GABRB1: variants seen among roughly 807,000 people sequenced by gnomAD.
GABRB1 encodes gamma-aminobutyric acid type A receptor subunit beta1.
GABRB1 carries 17 observed loss-of-function variants against 51.6 expected under a neutral mutation model. That is an observed-to-expected ratio of 0.33 (90% CI 0.23 to 0.49). GABRB1 has a LOEUF of 0.49. Among genes scored for constraint, GABRB1 ranks in the 20% least tolerant of loss-of-function variants. GABRB1 has a pLI of 0.99. For missense variants in GABRB1, 410 were observed against 600.6 expected, an observed-to-expected ratio of 0.68 and a Z score of 3.32; for synonymous variants, 247 against 218.9, an observed-to-expected ratio of 1.13 and a Z score of -1.14.
At chr4:47,419,346 G>T (rs1560378095) in intron 8 of GABRB1, among the ~76,000 whole-genome samples, 1 of 152,180 alleles carries the variant, frequency 6.6e-6, no homozygotes, top group Non-Finnish European at 1.5e-5. Flanking sequence ...GCCCCTCTAA[G>T]ACTTGTCTGT....
intron 4 of GABRB1, among the ~76,000 whole-genome samples, chr4:47,253,361 CTT>C (rs1305246291): frequency 6.6e-6 from 1 of 152,186 alleles, no homozygotes; most frequent in Non-Finnish European, 1.5e-5. Context: ...GTAAGGAAGA[CTT>C]TGTCAGTTGA....
At chr4:47,266,417 G>T (rs1389784461) in intron 4 of GABRB1, among the ~76,000 whole-genome samples, 4 of 151,862 alleles carry the variant, frequency 2.6e-5, no homozygotes, top group African/African-American at 9.7e-5. Flanking sequence ...CTCTTTTTTT[G>T]GTTCCATATA....
intron 3 of GABRB1, among the ~76,000 whole-genome samples, chr4:47,108,636 G>A (rs902991319): frequency 2.0e-5 from 3 of 151,956 alleles, no homozygotes; most frequent in Non-Finnish European, 4.4e-5. Context: ...ATATTAATTA[G>A]TTTATAATTA....
At chr4:47,209,995 A>G (rs2109808647) in intron 4 of GABRB1, among the ~76,000 whole-genome samples, 1 of 152,246 alleles carries the variant, frequency 6.6e-6, no homozygotes, top group East Asian at 1.9e-4. Flanking sequence ...CAAAATAAGC[A>G]TAATTTCCTG....
intron 4 of GABRB1, among the ~76,000 whole-genome samples, chr4:47,280,307 T>C (rs1474787565): frequency 6.6e-6 from 1 of 151,942 alleles, no homozygotes. Flanking sequence ...TTTTGTTTTA[T>C]TGACACATTT....
chr4:47,274,541 T>C (rs1298291396), intron 4 of GABRB1, among the ~76,000 whole-genome samples: 1 of 152,046 alleles, frequency 6.6e-6, no homozygotes, highest in Non-Finnish European at 1.5e-5. Flanking sequence ...AGATATTCCA[T>C]GTTGCCTAGA....
At chr4:47,345,873 C>G (rs1236451806) in intron 5 of GABRB1, among the ~76,000 whole-genome samples, 3 of 152,064 alleles carry the variant, frequency 2.0e-5, no homozygotes, top group Non-Finnish European at 4.4e-5. Flanking sequence ...TGCCCAGATT[C>G]CCCCAAACAA....
intron 3 of GABRB1, among the ~76,000 whole-genome samples, chr4:47,106,098 T>C (rs2109617306): frequency 6.6e-6 from 1 of 152,204 alleles, no homozygotes; most frequent in East Asian, 1.9e-4. Flanking sequence ...AATTATCTGA[T>C]TTTTTGTTGC....
At chr4:47,039,163 T>A (rs1725722069) in intron 3 of GABRB1, among the ~76,000 whole-genome samples, 1 of 151,838 alleles carries the variant, frequency 6.6e-6, no homozygotes, top group Admixed American at 6.6e-5. Context: ...AAAGATGCAT[T>A]TTTTATCTTT....
chr4:47,166,962 A>G (rs1718218215), intron 4 of GABRB1, among the ~76,000 whole-genome samples: 1 of 152,118 alleles, frequency 6.6e-6, no homozygotes, highest in African/African-American at 2.4e-5. Flanking sequence ...TTAATCTTAC[A>G]AATTGAAATT....
chr4:47,394,348 G>C (rs1240350996), intron 5 of GABRB1, among the ~76,000 whole-genome samples: 2 of 152,202 alleles, frequency 1.3e-5, no homozygotes, highest in Admixed American at 6.5e-5. Context: ...AGAGTCTCTA[G>C]ATACTGGTTT....
intron 1 of GABRB1, among the ~76,000 whole-genome samples, chr4:47,001,296 CCA>C (rs1724200148): frequency 2.0e-5 from 3 of 151,968 alleles, no homozygotes; most frequent in South Asian, 2.1e-4. Context: ...GCGCCCCCCA[CCA>C]CGCCCAGCTA....
intron 5 of GABRB1, among the ~76,000 whole-genome samples, chr4:47,402,753 C>T (rs1480580791): frequency 2.6e-5 from 4 of 152,180 alleles, no homozygotes; most frequent in Non-Finnish European, 5.9e-5. Flanking sequence ...CTTTCACCCA[C>T]ATATTAGCTA....
chr4:47,162,343 C>G (rs1455844514), intron 4 of GABRB1, among the ~76,000 whole-genome samples: 1 of 151,946 alleles, frequency 6.6e-6, no homozygotes, highest in Non-Finnish European at 1.5e-5. Flanking sequence ...CTGAAGTATC[C>G]TGGGAGAGTA....
intron 4 of GABRB1, among the ~76,000 whole-genome samples, chr4:47,264,723 T>C (rs1197136725): frequency 1.3e-5 from 2 of 152,338 alleles, no homozygotes; most frequent in Non-Finnish European, 1.5e-5. Context: ...AAATACACTG[T>C]ATACACCTGG....
intron 5 of GABRB1, among the ~76,000 whole-genome samples, chr4:47,364,326 C>T (rs372473744): frequency 3.3e-5 from 5 of 152,148 alleles, no homozygotes; most frequent in African/African-American, 1.2e-4. Context: ...TGTTGCCAAG[C>T]TTCTTGCCTT....
At chr4:47,044,700 G>T (rs903814737) in intron 3 of GABRB1, among the ~76,000 whole-genome samples, 1 of 151,958 alleles carries the variant, frequency 6.6e-6, no homozygotes, top group Admixed American at 6.6e-5. Context: ...TTAATGCCAA[G>T]ACACCAGGGG....
intron 1 of GABRB1, among the ~76,000 whole-genome samples, chr4:47,018,058 CTCT>C (rs1724802641): frequency 6.6e-6 from 1 of 151,410 alleles, no homozygotes; most frequent in South Asian, 2.1e-4. Flanking sequence ...CCTCCTCCTC[CTCT>C]TCTTCCTCCT....
At chr4:47,042,411 ACAG>A (rs1463054393) in intron 3 of GABRB1, among the ~76,000 whole-genome samples, 16,468 of 72,094 alleles carry the variant, frequency 0.23, 1,051 homozygotes, top group Middle Eastern at 0.37. Context: ...GTGTATGTGT[ACAG>A]TATATATATA....
Sources: gnomAD v4.1 joint callset for allele counts (sites outside exome capture counted in the v4.1 genomes callset) on GRCh38, gnomAD v4.1.1 for gene constraint, MANE v1.5 for transcripts, NCBI Gene and HGNC (gene_info 2026-07-23, HGNC 2026-07-21) for gene names.